OXR1: variants seen among roughly 807,000 people sequenced by gnomAD.
OXR1 encodes oxidation resistance protein 1.
In OXR1, 41 loss-of-function variants were observed where a neutral mutation model predicts 104.6. The ratio of observed to expected loss-of-function variants is 0.39; its 90% CI spans 0.31 to 0.51. The LOEUF (loss-of-function observed/expected upper bound fraction) is 0.51, where lower values mean the gene tolerates loss of function less well. OXR1 is among the 20% of genes least tolerant of loss of function. OXR1 has a pLI of 0.77. For missense variants in OXR1, 955 were observed against 1,031.9 expected (o/e 0.93, Z 1.02); for synonymous variants, 348 against 348.4 (o/e 1.00, Z 0.01).
chr8:106,573,392 A>AGTGT (rs1817614741), intron 3 of OXR1, among the ~76,000 whole-genome samples: 1 of 151,308 alleles, frequency 6.6e-6, no homozygotes, highest in Non-Finnish European at 1.5e-5. Context: ...GAAAGCTTGA[A>AGTGT]GTGTGTGTTA....
rs1344009468 is a variant in OXR1, at chr8:106,561,524, AG to A, written c.220+42387del. On this transcript the variant is annotated intron_variant, in intron 3 of 16. Coordinates refer to ENST00000517566, the MANE Select transcript of OXR1 (RefSeq NM_001198533.2). Reference sequence around the variant, plus strand: ...CATCTCCCTGGGACAGAGCACCTGCAGGAAGGGGCGGCTGTGGGCGCAGCTT... The same window carrying A: ...CATCTCCCTGGGACAGAGCACCTGCAGAAGGGGCGGCTGTGGGCGCAGCTT... Among the ~76,000 whole-genome samples, 4 of 152,210 alleles carry A rather than the reference AG, an allele frequency of 2.6e-5. No individual in the cohort carries two copies. The East Asian group carries it at 7.7e-4, about 29-fold the overall frequency.
At chr8:106,609,849 C>CAG (rs1415881222) in intron 3 of OXR1, among the ~76,000 whole-genome samples, 2 of 4,718 alleles carry the variant, frequency 4.2e-4, no homozygotes, top group Non-Finnish European at 7.5e-4. Context: ...ATATAACACA[C>CAG]ACACACACAC....
At chr8:106,294,317 A>G (rs1812887210) in intron 1 of OXR1, among the ~76,000 whole-genome samples, 1 of 145,852 alleles carries the variant, frequency 6.9e-6, no homozygotes, top group Non-Finnish European at 1.5e-5. Context: ...AATTAACGTG[A>G]ACTTGGGAGG....
chr8:106,373,990 A>G (rs1816809711), intron 2 of OXR1, among the ~76,000 whole-genome samples: 1 of 152,240 alleles, frequency 6.6e-6, no homozygotes, highest in Non-Finnish European at 1.5e-5. Flanking sequence ...AGTAGTGTCA[A>G]TGGTATATGA....
intron 2 of OXR1, among the ~76,000 whole-genome samples, chr8:106,416,954 T>C (rs920107506): frequency 4.6e-5 from 7 of 152,130 alleles, no homozygotes; most frequent in African/African-American, 1.4e-4. Context: ...TCAGGAATTA[T>C]CAAGTTTTCT....
chr8:106,331,381 A>G (rs890182167), intron 1 of OXR1, among the ~76,000 whole-genome samples: 1 of 152,240 alleles, frequency 6.6e-6, no homozygotes, highest in Non-Finnish European at 1.5e-5. Context: ...TATTGTTGCC[A>G]TAGATTAATT....
chr8:106,670,916 G>A (rs777829953), intron 3 of OXR1, among the ~76,000 whole-genome samples: 19 of 151,642 alleles, frequency 1.3e-4, no homozygotes, highest in East Asian at 3.9e-4. Flanking sequence ...GTGGTGGTGC[G>A]TGCCTGTAGT....
intron 2 of OXR1, among the ~76,000 whole-genome samples, chr8:106,382,614 T>C (rs956787654): frequency 2.6e-5 from 4 of 151,398 alleles, no homozygotes; most frequent in Non-Finnish European, 5.9e-5. Flanking sequence ...AGCCCAGCTC[T>C]GCTAGAGGGT....
intron 3 of OXR1, among the ~76,000 whole-genome samples, chr8:106,588,612 C>G (rs1024469912): frequency 6.6e-6 from 1 of 151,748 alleles, no homozygotes; most frequent in South Asian, 2.1e-4. Flanking sequence ...CTCAGCCTCC[C>G]GAGTAGCTGG....
intron 1 of OXR1, among the ~76,000 whole-genome samples, chr8:106,343,492 A>C (rs1444721722): frequency 6.6e-6 from 1 of 152,188 alleles, no homozygotes; most frequent in Non-Finnish European, 1.5e-5. Flanking sequence ...GATAGCAAGG[A>C]TGGTGGCTGC....
At chr8:106,593,114 C>A (rs1379599490) in intron 3 of OXR1, among the ~76,000 whole-genome samples, 2 of 152,152 alleles carry the variant, frequency 1.3e-5, no homozygotes, top group Admixed American at 6.6e-5. Context: ...CTGTATATTT[C>A]AAGTATAGCT....
At chr8:106,689,600 G>A (rs1366665405) in intron 6 of OXR1, among the ~76,000 whole-genome samples, 1 of 151,702 alleles carries the variant, frequency 6.6e-6, no homozygotes, top group South Asian at 2.1e-4. Context: ...GAAGGAAAGG[G>A]GAAATTTAGA....
At chr8:106,585,736 C>T (rs1056304811) in intron 3 of OXR1, among the ~76,000 whole-genome samples, 4 of 152,012 alleles carry the variant, frequency 2.6e-5, no homozygotes, top group African/African-American at 9.7e-5. Flanking sequence ...AAGAGTAAGC[C>T]TCATTGAGAA....
intron 1 of OXR1, among the ~76,000 whole-genome samples, chr8:106,282,967 A>G (rs1394162074): frequency 6.6e-6 from 1 of 152,230 alleles, no homozygotes; most frequent in East Asian, 1.9e-4. Flanking sequence ...TATAGGTTTT[A>G]CAGACTCCCA....
At chr8:106,311,950 C>T (rs979110953) in intron 1 of OXR1, among the ~76,000 whole-genome samples, 6 of 152,018 alleles carry the variant, frequency 3.9e-5, no homozygotes, top group African/African-American at 1.2e-4. Flanking sequence ...CCTTCTTATT[C>T]TCATTGTTCT....
At chr8:106,682,265 CTTT>C (rs760684524) in intron 4 of OXR1, among the ~76,000 whole-genome samples, 2 of 117,884 alleles carry the variant, frequency 1.7e-5, no homozygotes. Context: ...AGAGCTCTCT[CTTT>C]TTTTTTTTTT....
At chr8:106,612,825 G>A (rs1442728038) in intron 3 of OXR1, among the ~76,000 whole-genome samples, 5 of 151,826 alleles carry the variant, frequency 3.3e-5, no homozygotes, top group East Asian at 1.9e-4. Flanking sequence ...ACAGCCCTAC[G>A]AATACTAAGA....
At position 106,706,422 on chromosome 8, in the gene OXR1, A is replaced by G; in HGVS notation, c.901A>G (p.Lys301Glu). Residue 301 changes from lysine to glutamate, a missense_variant, in exon 9 of 17, where the codon AAG becomes GAG. Lys to Glu is a moderately conservative substitution (Grantham distance 56). Transcript: ENST00000517566. ...QLSGRDFCHS[K>E]KMTGSNTEEI... The stretch of plus-strand genomic sequence containing the variant: ...ATCAGGAAGGGACTTCTGCCATTCA[A>G]AGAAAATGACAGGAAGTAACACTGA... 6.3e-7 allele frequency: 1 copy of G among 1,587,856 alleles called. No homozygotes were observed. The highest frequency in any genetic ancestry group is 8.5e-7 in the Non-Finnish European group (1 of 1,172,724).
intron 1 of OXR1, among the ~76,000 whole-genome samples, chr8:106,277,768 G>A (rs538904187): frequency 3.9e-5 from 6 of 152,298 alleles, no homozygotes; most frequent in Admixed American, 3.3e-4. Flanking sequence ...ATGTTCCCAG[G>A]TTCAAACCTA....
Sources: allele counts gnomAD v4.1 joint callset (sites outside exome capture counted in the v4.1 genomes callset), GRCh38; gene constraint gnomAD v4.1.1; transcripts MANE v1.5; gene names NCBI Gene and HGNC (gene_info 2026-07-23, HGNC 2026-07-21).